SH3BP4: variants seen among roughly 807,000 people sequenced by gnomAD.
SH3BP4 encodes SH3 domain-binding protein 4.
A neutral mutation model predicts 65.5 loss-of-function variants in SH3BP4; 33 were observed. The observed-to-expected ratio is 0.50, with a 90% CI of 0.38 to 0.67. The LOEUF is 0.67. Ranked by LOEUF, SH3BP4 falls within the 30% of genes least tolerant of loss-of-function variation. The pLI is 0.00. For missense variants in SH3BP4, 1,134 were observed against 1,261.4 expected (o/e 0.90, Z 1.53); for synonymous variants, 552 against 545.5 (o/e 1.01, Z -0.17).
Position 235,052,698 on chromosome 2 carries a change from T to C in SH3BP4, c.2615T>C (p.Met872Thr). ...EKLAKVSKQQ[M>T]DAYESPHRDR... ...CTGGCCAAGGTCTCCAAGCAGCAGA[T>C]GGACGCCTACGAGTCTCCCCACCGG... The change falls in exon 5 of 6, where the codon ATG (methionine) becomes ACG (threonine). Residue 872 changes from methionine (M) to threonine (T), a missense_variant. Transcript: ENST00000392011. The surrounding 1 kb of genome is among the most constrained non-coding windows in gnomAD (Gnocchi z 5.0). 1 of 1,606,048 alleles carries C rather than the reference T, an allele frequency of 6.2e-7. No homozygotes were observed. Among genetic ancestry groups the C allele is most frequent in the South Asian group, 1.1e-5 (1 of 89,184 alleles).
At chr2:235,024,563 C>T (rs1353867070) in intron 2 of SH3BP4, among the ~76,000 whole-genome samples, 1 of 152,118 alleles carries the variant, frequency 6.6e-6, no homozygotes, top group Non-Finnish European at 1.5e-5. Context: ...TAGAAGCCGC[C>T]TCCCCCTCTC....
intron 1 of SH3BP4, among the ~76,000 whole-genome samples, chr2:234,981,452 C>T (rs1416175802): frequency 6.6e-6 from 1 of 152,298 alleles, no homozygotes; most frequent in East Asian, 1.9e-4. Flanking sequence ...CCCCTCACAG[C>T]CAGGCCAGTG....
chr2:235,052,270 C>G lies in SH3BP4; in HGVS notation c.2479-292C>G, dbSNP rs1043237544. ...TTCCTCTAATCCAGAGGGACCTCATCTTAATTCTATCTGCAAAGACCCCAT... is the reference window on the plus strand; with the variant it reads ...TTCCTCTAATCCAGAGGGACCTCATGTTAATTCTATCTGCAAAGACCCCAT... On this transcript the variant is annotated intron_variant, in intron 4 of 5. Transcript: ENST00000392011. The surrounding 1 kb of genome is among the most constrained non-coding windows in gnomAD (Gnocchi z 5.0). 6.6e-6 allele frequency among the ~76,000 whole-genome samples: 1 copy of G among 152,140 alleles called. No homozygotes were observed. The highest frequency in any genetic ancestry group is 2.4e-5 in the African/African-American group (1 of 41,452).
chr2:235,028,570 A>T (rs887674894), intron 2 of SH3BP4, among the ~76,000 whole-genome samples: 32 of 152,194 alleles, frequency 2.1e-4, no homozygotes, highest in African/African-American at 6.5e-4. Context: ...TCGTTCATTC[A>T]TTCGGGTTTG....
At chr2:234,955,293 G>A (rs887035786) in intron 1 of SH3BP4, among the ~76,000 whole-genome samples, 3 of 152,146 alleles carry the variant, frequency 2.0e-5, no homozygotes, top group Admixed American at 6.5e-5. Context: ...CTTCTGGGGA[G>A]CTGGGCTAGG....
intron 1 of SH3BP4, among the ~76,000 whole-genome samples, chr2:234,992,221 C>T (rs115367175): frequency 1.5e-3 from 234 of 152,302 alleles, no homozygotes; most frequent in African/African-American, 4.6e-3. Flanking sequence ...GAGTTTCCAG[C>T]GAAGATTTAT....
chr2:235,028,513 T>C (rs1695074079), intron 2 of SH3BP4, among the ~76,000 whole-genome samples: 1 of 152,236 alleles, frequency 6.6e-6, no homozygotes, highest in Non-Finnish European at 1.5e-5. Context: ...ATCCCAGAGA[T>C]ACCTACCGAG....
At chr2:235,019,728 G>C (rs991302327) in intron 2 of SH3BP4, among the ~76,000 whole-genome samples, 12 of 151,592 alleles carry the variant, frequency 7.9e-5, no homozygotes, top group Admixed American at 2.6e-4. Context: ...GAGCCACCAC[G>C]CCTGGCCAGG....
chr2:235,041,705 C>G lies in SH3BP4; in HGVS notation c.936C>G (p.Thr312=). 6.2e-7 allele frequency: 1 copy of G among 1,612,260 alleles called. No individual in the cohort carries two copies. Among genetic ancestry groups the G allele is most frequent in the Non-Finnish European group, 8.5e-7 (1 of 1,178,946 alleles). The change falls in exon 4 of 6, where the codon ACC becomes ACG. Residue 312 remains threonine (T), a synonymous_variant. Coordinates refer to ENST00000392011, the MANE Select transcript of SH3BP4 (RefSeq NM_014521.3). This position sits in a 1 kb window ranked among gnomAD's most constrained non-coding sequence, Gnocchi z 6.0. ...LLGQSPGWGQ[T]QAVETNIVCK... is the part of the protein sequence containing the mutation. ...GCCAAAGCCCTGGTTGGGGCCAGAC[C>G]CAAGCCGTGGAGACAAACATCGTGT...
intron 2 of SH3BP4, among the ~76,000 whole-genome samples, chr2:235,009,985 A>C (rs1559242484): frequency 6.6e-6 from 1 of 151,308 alleles, no homozygotes; most frequent in South Asian, 2.1e-4. Context: ...ATGCTCAGTC[A>C]CCTCCTTCTG....
At chr2:235,050,189 C>T (rs959397773) in intron 4 of SH3BP4, among the ~76,000 whole-genome samples, 1 of 152,040 alleles carries the variant, frequency 6.6e-6, no homozygotes, top group African/African-American at 2.4e-5. Flanking sequence ...GATCTCAGCT[C>T]ACTACAAGCT....
intron 2 of SH3BP4, among the ~76,000 whole-genome samples, chr2:235,017,411 A>C (rs1185323869): frequency 1.3e-5 from 2 of 148,548 alleles, no homozygotes; most frequent in Non-Finnish European, 3.0e-5. Flanking sequence ...GTGCCACTGC[A>C]CTCCAACCTG....
At position 235,034,664 on chromosome 2, in the gene SH3BP4, G is replaced by A. The variant is rs552252662; in HGVS notation, c.-132-207G>A. ...AGAAAACACTGCTTGGGCTGTGTGT[G>A]CCCAGTGTGCCAATGAGACAAGCAC... On this transcript the variant is annotated intron_variant, in intron 2 of 5. Transcript: ENST00000392011. The surrounding 1 kb of genome is among the most constrained non-coding windows in gnomAD (Gnocchi z 6.2). 1.2e-4 allele frequency among the ~76,000 whole-genome samples: 19 copies of A among 152,352 alleles called. No homozygotes were observed. Among genetic ancestry groups the A allele is most frequent in the African/African-American group, 3.8e-4 (16 of 41,586 alleles).
intron 1 of SH3BP4, among the ~76,000 whole-genome samples, chr2:234,994,191 G>A (rs1479246567): frequency 6.6e-6 from 1 of 152,104 alleles, no homozygotes; most frequent in Non-Finnish European, 1.5e-5. Context: ...TTTGTCTTTG[G>A]GTGTGAGTTG....
rs1043120030 is a variant in SH3BP4, at chr2:235,021,568, A to G, written c.-132-13303A>G. ...TAGGAGGCAGAGGTTGCAGTGAGCC[A>G]AGATCATGCCACTGTGCTCTAGCCT... On this transcript the variant is annotated intron_variant, in intron 2 of 5. Coordinates refer to ENST00000392011, the MANE Select transcript of SH3BP4 (RefSeq NM_014521.3). Among the ~76,000 whole-genome samples, 8 of 151,758 alleles carry G rather than the reference A, an allele frequency of 5.3e-5. 1 individual carries two copies. The highest frequency in any genetic ancestry group is 6.3e-3 in the Middle Eastern group (2 of 316).
At chr2:235,053,089 G>A (rs760778819) in intron 5 of SH3BP4, among the ~76,000 whole-genome samples, 22 of 152,204 alleles carry the variant, frequency 1.4e-4, no homozygotes, top group African/African-American at 3.1e-4. Flanking sequence ...TTTGTGAGCC[G>A]CTCTGGACTG....
chr2:235,037,204 C>CA (rs1171466719), intron 3 of SH3BP4, among the ~76,000 whole-genome samples: 1 of 152,158 alleles, frequency 6.6e-6, no homozygotes, highest in Non-Finnish European at 1.5e-5. Flanking sequence ...ATCTGGGTAA[C>CA]ACTCCTCAGA....
chr2:234,994,253 A>G (rs1374614125), intron 1 of SH3BP4, among the ~76,000 whole-genome samples: 1 of 152,202 alleles, frequency 6.6e-6, no homozygotes, highest in South Asian at 2.1e-4. Context: ...TTGTCCTAGC[A>G]TCACAGGGAA....
chr2:235,012,866 AG>A (rs1249712455), intron 2 of SH3BP4, among the ~76,000 whole-genome samples: 43 of 152,180 alleles, frequency 2.8e-4, no homozygotes, highest in Admixed American at 2.8e-3. Context: ...TATTTTACCA[AG>A]GATCAGGTGA....
Sources: gnomAD v4.1 joint callset for allele counts (sites outside exome capture counted in the v4.1 genomes callset) on GRCh38, gnomAD v4.1.1 for gene constraint, Gnocchi (gnomAD v3.1) non-coding constraint, MANE v1.5 for transcripts, NCBI Gene and HGNC (gene_info 2026-07-23, HGNC 2026-07-21) for gene names.